RMDN2: variants seen among roughly 807,000 people sequenced by gnomAD.
The protein encoded by RMDN2 is regulator of microtubule dynamics 2.
Under a neutral mutation model 52.8 loss-of-function variants are expected in RMDN2, and 61 were observed. That is an observed-to-expected ratio of 1.16 (90% CI 0.94 to 1.43). RMDN2 has a LOEUF of 1.43. Ranked by LOEUF, RMDN2 falls within the 40% of genes most tolerant of loss-of-function variation. The pLI is 0.00. For missense variants in RMDN2, 592 were observed against 475.3 expected (o/e 1.25, Z -2.28); for synonymous variants, 180 against 153.1 (o/e 1.18, Z -1.30).
chr2:38,016,342 ATG>A (rs1025581098), intron 10 of RMDN2, among the ~76,000 whole-genome samples: 5 of 152,244 alleles, frequency 3.3e-5, no homozygotes, highest in African/African-American at 1.2e-4. Flanking sequence ...TTGACTCAGC[ATG>A]TGTTAGCTCC....
chr2:37,962,660 C>G (rs1235619395), intron 2 of RMDN2, among the ~76,000 whole-genome samples: 1 of 152,136 alleles, frequency 6.6e-6, no homozygotes, highest in African/African-American at 2.4e-5. Context: ...GCAACAACAC[C>G]TGACTCCCTG....
chr2:37,941,344 G>A lies in RMDN2; in HGVS notation c.452+11615G>A, dbSNP rs1184097325. ...GATGTCTGTTGACCCCTGCTGGGAG[G>A]TGTCTCCCTGTCAGGAGGCACAGGG... On this transcript the variant is annotated intron_variant, in intron 2 of 10. Transcript: ENST00000354545. Among the ~76,000 whole-genome samples, 3 of 152,218 alleles carry A rather than the reference G, an allele frequency of 2.0e-5. No individual in the cohort carries two copies. The East Asian group carries it at 5.8e-4, about 29-fold the overall frequency.
chr2:38,009,945 T>C (rs1399126666), intron 10 of RMDN2, among the ~76,000 whole-genome samples: 2 of 152,232 alleles, frequency 1.3e-5, no homozygotes, highest in Admixed American at 6.5e-5. Flanking sequence ...GACCCTCAGC[T>C]GCAGGTCTGT....
intron 7 of RMDN2, among the ~76,000 whole-genome samples, chr2:37,996,215 A>C (rs766693817): frequency 1.2e-4 from 19 of 152,220 alleles, no homozygotes; most frequent in Non-Finnish European, 2.9e-5. Flanking sequence ...TATTTTTTAC[A>C]AAGTTCAAAG....
chr2:38,054,792 T>C (rs1681788118), intron 10 of RMDN2, among the ~76,000 whole-genome samples: 1 of 152,134 alleles, frequency 6.6e-6, no homozygotes, highest in Non-Finnish European at 1.5e-5. Context: ...AACTACCCAG[T>C]GCACGACTCT....
chr2:37,944,996 A>C (rs1025728379), intron 2 of RMDN2, among the ~76,000 whole-genome samples: 24 of 152,210 alleles, frequency 1.6e-4, no homozygotes, highest in Non-Finnish European at 3.5e-4. Context: ...TTTTAGTAGC[A>C]GTACACCTTA....
intron 2 of RMDN2, among the ~76,000 whole-genome samples, chr2:37,932,699 C>CG (rs1666884412): frequency 1.4e-5 from 2 of 146,062 alleles, no homozygotes. Context: ...TGACCCCCCC[C>CG]ACCTCCCTCC....
chr2:37,959,979 G>A (rs1311395668), intron 2 of RMDN2, among the ~76,000 whole-genome samples: 1 of 152,086 alleles, frequency 6.6e-6, no homozygotes, highest in African/African-American at 2.4e-5. Flanking sequence ...TTAATCTTGA[G>A]TTCTAATTTG....
At chr2:38,012,556 C>A in intron 10 of RMDN2, 1 of 463,762 alleles carries the variant, frequency 2.2e-6, no homozygotes, top group Non-Finnish European at 4.4e-6. Context: ...CTGTAATAAG[C>A]AAAATAGTAT....
At chr2:38,059,433 T>G (rs533010625) in intron 10 of RMDN2, among the ~76,000 whole-genome samples, 6 of 152,322 alleles carry the variant, frequency 3.9e-5, no homozygotes, top group Non-Finnish European at 7.4e-5. Flanking sequence ...TATTCCACTT[T>G]CCAAGGAACA....
chr2:37,996,485 T>C (rs1044834861), intron 7 of RMDN2, among the ~76,000 whole-genome samples: 1 of 150,310 alleles, frequency 6.7e-6, no homozygotes, highest in African/African-American at 2.5e-5. Flanking sequence ...TTCAGGAGGC[T>C]GAAGTGGGAG....
At chr2:37,996,834 T>G (rs1315853532) in intron 7 of RMDN2, among the ~76,000 whole-genome samples, 1 of 152,178 alleles carries the variant, frequency 6.6e-6, no homozygotes, top group Non-Finnish European at 1.5e-5. Flanking sequence ...AATTTAGTTT[T>G]GGTGGTTACT....
At chr2:37,971,984 A>T (rs1440944723) in intron 2 of RMDN2, among the ~76,000 whole-genome samples, 1 of 152,196 alleles carries the variant, frequency 6.6e-6, no homozygotes, top group Non-Finnish European at 1.5e-5. Flanking sequence ...CATGAACGTG[A>T]TATATTTCTC....
intron 10 of RMDN2, among the ~76,000 whole-genome samples, chr2:38,062,421 G>A (rs1010933170): frequency 3.9e-5 from 6 of 152,078 alleles, no homozygotes; most frequent in Non-Finnish European, 1.5e-5. Context: ...TTTTATTACC[G>A]AGTAGTATTC....
intron 10 of RMDN2, among the ~76,000 whole-genome samples, chr2:38,024,941 T>C (rs964020642): frequency 2.0e-5 from 3 of 152,164 alleles, no homozygotes; most frequent in African/African-American, 7.2e-5. Context: ...TGTAGTTTTC[T>C]AGATTTGAAA....
chr2:37,960,969 G>A (rs1413369763), intron 2 of RMDN2, among the ~76,000 whole-genome samples: 1 of 152,180 alleles, frequency 6.6e-6, no homozygotes, highest in African/African-American at 2.4e-5. Context: ...GGCTCAATAT[G>A]AAATTCAGGG....
intron 10 of RMDN2, among the ~76,000 whole-genome samples, chr2:38,034,015 C>T (rs1272485552): frequency 6.6e-6 from 1 of 152,246 alleles, no homozygotes; most frequent in African/African-American, 2.4e-5. Context: ...ATCCCCCCAG[C>T]TAGCTTTTCC....
At chr2:37,959,561 G>A (rs532502066) in intron 2 of RMDN2, among the ~76,000 whole-genome samples, 11 of 150,060 alleles carry the variant, frequency 7.3e-5, no homozygotes, top group Non-Finnish European at 1.6e-4. Context: ...TTATTAATCT[G>A]GCTAGCGATC....
chr2:38,024,647 G>A (rs1468834227), intron 10 of RMDN2, among the ~76,000 whole-genome samples: 3 of 152,078 alleles, frequency 2.0e-5, no homozygotes, highest in Admixed American at 1.3e-4. Context: ...TTTGTATATA[G>A]TTTGGAGTAT....
Sources: allele counts gnomAD v4.1 joint callset (sites outside exome capture counted in the v4.1 genomes callset), GRCh38; gene constraint gnomAD v4.1.1; transcripts MANE v1.5; gene names NCBI Gene and HGNC (gene_info 2026-07-23, HGNC 2026-07-21).